CD244: variants seen among roughly 807,000 people sequenced by gnomAD.
The protein encoded by CD244 is natural killer cell receptor 2B4.
Under a neutral mutation model 45.5 loss-of-function variants are expected in CD244, and 20 were observed. The ratio of observed to expected loss-of-function variants is 0.44; its 90% confidence interval spans 0.31 to 0.64. CD244 has a LOEUF of 0.64. CD244 is among the 30% of genes least tolerant of loss of function. The pLI is 0.08. For synonymous variants in CD244, 185 were observed against 160.5 expected, an observed-to-expected ratio of 1.15 and a Z score of -1.15; for missense variants, 407 against 426.9, an observed-to-expected ratio of 0.95 and a Z score of 0.41.
At chr1:160,832,870 G>GTATATATATATATATATATA (rs1553194340) in intron 7 of CD244, among the ~76,000 whole-genome samples, 5 of 117,852 alleles carry the variant, frequency 4.2e-5, no homozygotes, top group Admixed American at 9.1e-5. Context: ...GTGTGTGTGT[G>GTATATATATATATATATATA]TATATATATA....
At chr1:160,848,570 C>G (rs1216861050) in intron 1 of CD244, 1 of 384,188 alleles carries the variant, frequency 2.6e-6, no homozygotes, top group African/African-American at 2.1e-5. Context: ...GAAAGAAATG[C>G]TACACAGAGA....
chr1:160,854,445 T>C (rs1670031729), intron 1 of CD244, among the ~76,000 whole-genome samples: 1 of 152,164 alleles, frequency 6.6e-6, no homozygotes, highest in African/African-American at 2.4e-5. Context: ...TGCAGTGGCA[T>C]GATCTCGGCT....
chr1:160,845,318 T>C (rs912219176), intron 1 of CD244, among the ~76,000 whole-genome samples: 26 of 151,950 alleles, frequency 1.7e-4, no homozygotes, highest in African/African-American at 6.0e-4. Context: ...AAAACTGTTA[T>C]AAAATATCCA....
intron 1 of CD244, among the ~76,000 whole-genome samples, chr1:160,843,302 T>A (rs996159630): frequency 6.6e-5 from 10 of 152,350 alleles, no homozygotes; most frequent in Middle Eastern, 3.4e-3. Context: ...AAGCAGAGAC[T>A]GTGCTGTGCA....
chr1:160,852,184 A>G (rs548991491), intron 1 of CD244, among the ~76,000 whole-genome samples: 5 of 152,352 alleles, frequency 3.3e-5, no homozygotes, highest in African/African-American at 1.2e-4. Context: ...ATAGGCATGC[A>G]TAAGGGTGCC....
intron 5 of CD244, among the ~76,000 whole-genome samples, chr1:160,837,715 C>T (rs769372302): frequency 2.6e-5 from 4 of 152,270 alleles, no homozygotes; most frequent in Non-Finnish European, 4.4e-5. Context: ...CGCCCCACTT[C>T]ACCCACCCTG....
chr1:160,840,920 C>G (rs1260742397), intron 3 of CD244, among the ~76,000 whole-genome samples: 3 of 152,192 alleles, frequency 2.0e-5, no homozygotes, highest in African/African-American at 7.2e-5. Flanking sequence ...AAATAATGTT[C>G]AGGAGCCATT....
At chr1:160,834,304 C>T (rs1003398788) in intron 6 of CD244, among the ~76,000 whole-genome samples, 188 bp from the exon 7 acceptor site, 5 of 152,184 alleles carry the variant, frequency 3.3e-5, no homozygotes, top group Non-Finnish European at 7.4e-5. Flanking sequence ...TTAATGAAAG[C>T]TTCTATTTGT....
At chr1:160,845,171 C>T (rs997380371) in intron 1 of CD244, among the ~76,000 whole-genome samples, 2 of 151,766 alleles carry the variant, frequency 1.3e-5, no homozygotes, top group Non-Finnish European at 2.9e-5. Context: ...GGTCATTATG[C>T]AGCAATAGTT....
chr1:160,858,077 A>T lies in CD244; in HGVS notation c.61+4540T>A, dbSNP rs188218945. On this transcript the variant is annotated intron_variant, in intron 1 of 8. Coordinates refer to ENST00000368034, the MANE Select transcript of CD244 (RefSeq NM_016382.4). ...AAAATAAAAATAAATAAATAAAAAT[A>T]AAAAATTAAAAAAAAAAACAAGACA... is the stretch of plus-strand genomic sequence containing the variant. 4.1e-4 allele frequency among the ~76,000 whole-genome samples: 54 copies of T among 132,908 alleles called. No individual in the cohort carries two copies. In the East Asian group the frequency reaches 6.8e-3, roughly 17 times the overall value. 87.2% of individuals were successfully genotyped at this position (132,908 alleles called of 152,430 possible).
chr1:160,852,375 C>A (rs1669949570), intron 1 of CD244, among the ~76,000 whole-genome samples: 1 of 151,892 alleles, frequency 6.6e-6, no homozygotes, highest in Non-Finnish European at 1.5e-5. Flanking sequence ...CATGGTGAAA[C>A]CCCATCTCTA....
rs780138346 is a variant in CD244, at chr1:160,841,673, G to T, written c.290C>A (p.Ala97Asp). ...VKNLSLLIKAAQQQDSGLYCL... is the reference protein window; with the variant it reads ...VKNLSLLIKADQQQDSGLYCL... ...GTAGAGGCCACTGTCCTGCTGCTGA[G>T]CTGCCTTGATGAGAAGACTCAAGTT... The change falls in exon 2 of 9, where the codon GCT (alanine) becomes GAT (aspartate). Residue 97 changes from alanine (A) to aspartate (D), a missense_variant. Physicochemically the swap from Ala to Asp is moderately radical, Grantham distance 126. Coordinates refer to ENST00000368034, the MANE Select transcript of CD244 (RefSeq NM_016382.4). 5 of 1,614,082 alleles carry T rather than the reference G, an allele frequency of 3.1e-6. No individual in the cohort carries two copies. The highest frequency in any genetic ancestry group is 4.5e-5 in the East Asian group (2 of 44,902).
intron 3 of CD244, among the ~76,000 whole-genome samples, chr1:160,839,590 A>G (rs899044240): frequency 7.2e-5 from 11 of 152,206 alleles, no homozygotes; most frequent in African/African-American, 2.2e-4. Flanking sequence ...TAGCATTTAC[A>G]TTGTATCAGG....
intron 1 of CD244, among the ~76,000 whole-genome samples, chr1:160,862,194 C>G (rs1670334067): frequency 6.6e-6 from 1 of 152,240 alleles, no homozygotes; most frequent in Admixed American, 6.5e-5. Flanking sequence ...CTGGGCTCAG[C>G]TTTCCTGCCT....
intron 1 of CD244, among the ~76,000 whole-genome samples, chr1:160,852,947 T>C (rs1457717759): frequency 6.6e-6 from 1 of 151,624 alleles, no homozygotes; most frequent in African/African-American, 2.4e-5. Flanking sequence ...CACTTAAATC[T>C]GAGAGGCGGA....
chr1:160,854,942 G>T (rs1480939065), intron 1 of CD244, among the ~76,000 whole-genome samples: 1 of 152,202 alleles, frequency 6.6e-6, no homozygotes, highest in Non-Finnish European at 1.5e-5. Context: ...GAAGAAAGAT[G>T]AGGGATGTCT....
chr1:160,837,866 A>G (rs1014015022), intron 5 of CD244, among the ~76,000 whole-genome samples: 5 of 152,206 alleles, frequency 3.3e-5, no homozygotes, highest in Admixed American at 3.3e-4. Context: ...TTCTTGGATG[A>G]CAGGCAGAGT....
At chr1:160,831,464 T>TG in intron 8 of CD244, 37 bp from the exon 9 acceptor site, 2 of 1,399,608 alleles carry the variant, frequency 1.4e-6, no homozygotes, top group Non-Finnish European at 2.0e-6. Flanking sequence ...ACCCTTGCAC[T>TG]GGGAGGTCCT....
At position 160,831,164 on chromosome 1, in the gene CD244, A is replaced by C. The variant is rs1669100729; in HGVS notation, c.*183T>G. 1 of 551,634 alleles carries C rather than the reference A, an allele frequency of 1.8e-6. No individual in the cohort carries two copies. The highest frequency in any genetic ancestry group is 3.3e-6 in the Non-Finnish European group (1 of 307,038). The allele number at this position is 551,634 out of a possible 1,614,324, so 34.2% of individuals were successfully genotyped here. ...ATCTGTAAATTGGAAGATATTATTTAACAGCCTTGCTCTTATCATGGTTGT... is the reference window on the plus strand; with the variant it reads ...ATCTGTAAATTGGAAGATATTATTTCACAGCCTTGCTCTTATCATGGTTGT... On this transcript the variant is annotated 3_prime_UTR_variant, in exon 9 of 9. Coordinates refer to ENST00000368034, the MANE Select transcript of CD244 (RefSeq NM_016382.4).
Sources: gnomAD v4.1 joint callset for allele counts (sites outside exome capture counted in the v4.1 genomes callset) on GRCh38, gnomAD v4.1.1 for gene constraint, MANE v1.5 for transcripts, NCBI Gene and HGNC (gene_info 2026-07-23, HGNC 2026-07-21) for gene names.